Variants in LINC00305 observed in about 807,000 individuals in gnomAD.
The protein encoded by LINC00305 is long independently transcribed non-coding RNA 305, also known as long intergenic non-protein coding RNA 305.
rs1025902923 is a variant in LINC00305, at chr18:64,142,156, G to C, written n.314+6619C>G. 2.2e-4 allele frequency among the ~76,000 whole-genome samples: 33 copies of C among 152,318 alleles called. 1 individual carries two copies. The highest frequency in any genetic ancestry group is 7.2e-4 in the Admixed American group (11 of 15,292). ...GCTCAACATTTTCCCCAACAATGTG[G>C]ATACGTGTTTTAATCAGCATGGGGC... is the stretch of plus-strand genomic sequence containing the variant. On this transcript the variant is annotated intron_variant and non_coding_transcript_variant, in intron 1 of 3. Coordinates refer to ENST00000666468, the Ensembl canonical transcript of LINC00305.
intron 1 of LINC00305, among the ~76,000 whole-genome samples, chr18:64,123,328 C>T (rs931553597): frequency 5.3e-5 from 8 of 152,126 alleles, no homozygotes; most frequent in African/African-American, 1.9e-4. Context: ...TGCCACTCTA[C>T]TTCCACTAGC....
intron 1 of LINC00305, among the ~76,000 whole-genome samples, chr18:64,136,470 C>T (rs1425467577): frequency 1.3e-5 from 2 of 151,996 alleles, no homozygotes; most frequent in African/African-American, 4.8e-5. Context: ...AGGGAGAAGC[C>T]CCTTATAAGA....
intron 1 of LINC00305, among the ~76,000 whole-genome samples, chr18:64,142,703 C>A (rs1344195043): frequency 1.1e-4 from 16 of 152,140 alleles, no homozygotes; most frequent in Admixed American, 9.8e-4. Context: ...TGTATATACA[C>A]CATGGCCACC....
chr18:64,084,994 T>G (rs960588235), intron 3 of LINC00305, among the ~76,000 whole-genome samples: 5 of 152,204 alleles, frequency 3.3e-5, no homozygotes, highest in African/African-American at 1.2e-4. Flanking sequence ...CAGCGCCAAA[T>G]GATGTCATCA....
chr18:64,099,505 C>T (rs912956352), intron 1 of LINC00305, among the ~76,000 whole-genome samples: 2 of 152,056 alleles, frequency 1.3e-5, no homozygotes, highest in Non-Finnish European at 1.5e-5. Flanking sequence ...GAAGAGGCAC[C>T]GACAGTGATA....
At chr18:64,127,373 C>T (rs549138553) in intron 1 of LINC00305, 1 of 152,178 alleles carries the variant, frequency 6.6e-6, no homozygotes, top group East Asian at 1.9e-4. Flanking sequence ...TTTCATTACC[C>T]TTATCTTGCA....
chr18:64,147,404 T>C (rs777870096), intron 1 of LINC00305: 19 of 152,212 alleles, frequency 1.2e-4, no homozygotes, highest in Non-Finnish European at 2.1e-4. Context: ...TTACATAAAT[T>C]TGCATGTATG....
intron 3 of LINC00305, among the ~76,000 whole-genome samples, chr18:64,096,238 A>G (rs767204193): frequency 6.6e-6 from 1 of 152,026 alleles, no homozygotes; most frequent in Non-Finnish European, 1.5e-5. Flanking sequence ...TCTTAGATAC[A>G]AAGACTCAGG....
chr18:64,123,970 C>A (rs945139596), intron 1 of LINC00305, among the ~76,000 whole-genome samples: 2 of 152,096 alleles, frequency 1.3e-5, no homozygotes, highest in Non-Finnish European at 2.9e-5. Context: ...CACACTGGCT[C>A]CCTTCTGCTT....
intron 1 of LINC00305, among the ~76,000 whole-genome samples, chr18:64,134,859 A>G (rs1404394173): frequency 5.9e-5 from 9 of 152,228 alleles, no homozygotes; most frequent in Non-Finnish European, 1.5e-5. Flanking sequence ...TAGCTCTTAC[A>G]ACAGGAATTG....
chr18:64,124,335 A>T (rs1285816545), intron 1 of LINC00305, among the ~76,000 whole-genome samples: 1 of 152,066 alleles, frequency 6.6e-6, no homozygotes, highest in Non-Finnish European at 1.5e-5. Context: ...GTCCTTAAGG[A>T]AGAGTTCACA....
intron 1 of LINC00305, among the ~76,000 whole-genome samples, chr18:64,130,133 A>G (rs1245765476): frequency 1.3e-5 from 2 of 152,178 alleles, no homozygotes; most frequent in East Asian, 1.9e-4. Context: ...CTTTTACCCT[A>G]TATACCATGG....
chr18:64,117,433 G>A (rs1471216751), intron 1 of LINC00305, among the ~76,000 whole-genome samples: 2 of 152,186 alleles, frequency 1.3e-5, no homozygotes, highest in African/African-American at 4.8e-5. Flanking sequence ...AAAGTTGGTA[G>A]ATCTCTATTT....
At chr18:64,147,251 A>T (rs2051502409) in intron 1 of LINC00305, 1 of 152,202 alleles carries the variant, frequency 6.6e-6, no homozygotes, top group African/African-American at 2.4e-5. Context: ...TGGATACCTT[A>T]TAAAGATTAT....
intron 1 of LINC00305, among the ~76,000 whole-genome samples, chr18:64,122,260 A>G (rs577384080): frequency 3.3e-5 from 5 of 151,990 alleles, no homozygotes; most frequent in Admixed American, 2.6e-4. Context: ...CTTTACCTAG[A>G]CCAATGTCCA....
intron 3 of LINC00305, among the ~76,000 whole-genome samples, chr18:64,081,796 G>T (rs1263544153): frequency 6.6e-6 from 1 of 152,178 alleles, no homozygotes; most frequent in Non-Finnish European, 1.5e-5. Flanking sequence ...GCGACAGCTA[G>T]CCCACGTAAC....
In LINC00305 at chr18:64,121,798, G is replaced by A. The variant is rs181998277; in HGVS notation, n.315-23158C>T. On this transcript the variant is annotated intron_variant and non_coding_transcript_variant, in intron 1 of 3. Coordinates refer to ENST00000666468, the Ensembl canonical transcript of LINC00305. ...TTCCATAGAGGTTGTACTAATTTAC[G>A]TTCCCAGGAACAGTGTATAAGAGTT... Among the ~76,000 whole-genome samples, 232 of 152,084 alleles carry A rather than the reference G, an allele frequency of 1.5e-3. 1 individual carries two copies. Among genetic ancestry groups the A allele is most frequent in the African/African-American group, 5.2e-3 (216 of 41,514 alleles).
At chr18:64,093,535 T>C (rs142342210) in intron 3 of LINC00305, among the ~76,000 whole-genome samples, 2 of 152,164 alleles carry the variant, frequency 1.3e-5, no homozygotes, top group Admixed American at 6.5e-5. Context: ...TGTTTCACCA[T>C]GTTGGCCAGG....
At chr18:64,099,872 C>T (rs2051261401) in intron 1 of LINC00305, among the ~76,000 whole-genome samples, 1 of 152,254 alleles carries the variant, frequency 6.6e-6, no homozygotes, top group East Asian at 1.9e-4. Context: ...ATGGTGTGTT[C>T]TCAGGTTCCT....
Sources: allele counts gnomAD v4.1 joint callset (sites outside exome capture counted in the v4.1 genomes callset), GRCh38; gene constraint gnomAD v4.1.1; transcripts MANE v1.5; gene names NCBI Gene and HGNC (gene_info 2026-07-23, HGNC 2026-07-21).